Variants in ABCA7 observed in about 807,000 individuals in gnomAD.
ABCA7 encodes phospholipid-transporting ATPase ABCA7.
Under a neutral mutation model 227.6 loss-of-function variants are expected in ABCA7, and 261 were observed. The ratio of observed to expected loss-of-function variants is 1.15; its 90% CI spans 1.04 to 1.27. The LOEUF is 1.27. Among genes scored for constraint, ABCA7 ranks in the 50% most tolerant of loss-of-function variants. The probability of loss-of-function intolerance (pLI) is 0.00; values close to 1 mark genes in which losing one functional copy is unlikely to be tolerated. For synonymous variants in ABCA7, 1,488 were observed against 1,279.7 expected (o/e 1.16, Z -3.47); for missense variants, 3,331 against 2,924.5 (o/e 1.14, Z -3.21).
At position 1,055,134 on chromosome 19, in the gene ABCA7, G is replaced by T. The variant is rs1479129186; in HGVS notation, c.3988G>T (p.Val1330Phe). ...APEVPAEVAK[V>F]LASGNWTPES... The stretch of plus-strand genomic sequence containing the variant: ...AGAAGTTCCTGCTGAAGTGGCCAAG[G>T]TCTTGGCCAGTGGCAACTGGACCCC... The change falls in exon 30 of 47, where the codon GTC becomes TTC. Residue 1330 changes from valine to phenylalanine, a missense_variant. Val to Phe is a conservative substitution (Grantham distance 50). Coordinates refer to ENST00000263094, the MANE Select transcript of ABCA7 (RefSeq NM_019112.4). 2 of 1,612,898 alleles carry T rather than the reference G, an allele frequency of 1.2e-6. No homozygotes were observed. The highest frequency in any genetic ancestry group is 2.7e-5 in the African/African-American group (2 of 74,930).
In ABCA7 at chr19:1,051,542, C is replaced by T. The variant is rs368475234; in HGVS notation, c.2918C>T (p.Ala973Val). ...GAGCCTACGGCTGGCGTGGATCCTG[C>T]TTCCCGCCGCGGTATTTGGGAGCTG... is the stretch of plus-strand genomic sequence containing the variant. ...LDEPTAGVDPASRRGIWELLL... is the reference protein window; with the variant it reads ...LDEPTAGVDPVSRRGIWELLL... The change falls in exon 21 of 47, where the codon GCT (alanine) becomes GTT (valine). Residue 973 changes from alanine (A) to valine (V), a missense_variant. By Grantham distance (64) the Ala-to-Val change is moderately conservative. Transcript: ENST00000263094. The T allele has an allele frequency of 1.9e-6, 3 of 1,612,622 alleles. No individual in the cohort carries two copies. The highest frequency in any genetic ancestry group is 2.5e-6 in the Non-Finnish European group (3 of 1,179,898).
intron 18 of ABCA7, 42 bp from the exon 19 acceptor site, chr19:1,050,879 C>T (rs773455605): frequency 2.9e-5 from 43 of 1,471,244 alleles, no homozygotes; most frequent in Non-Finnish European, 3.8e-5. Context: ...ACTGCCAGTG[C>T]ACTCTGTGAA....
rs1360530779 is a variant in ABCA7, at chr19:1,043,129, C to T, written c.668C>T (p.Ala223Val). The change falls in exon 8 of 47, where the codon GCC becomes GTC. Residue 223 changes from alanine (A) to valine (V), a missense_variant. Ala to Val is a moderately conservative substitution (Grantham distance 64, BLOSUM62 0). Transcript: ENST00000263094. ...GGCCCCCTGGAGTTGCTGTCAGAGG[C>T]CCTCTGCAGTGTCAGGGGACCTAGC... ...TSGPLELLSEALCSVRGPSST... is the reference protein window; with the variant it reads ...TSGPLELLSEVLCSVRGPSST... 3 of 1,612,576 alleles carry T rather than the reference C, an allele frequency of 1.9e-6. No homozygotes were observed. Among genetic ancestry groups the T allele is most frequent in the Non-Finnish European group, 2.5e-6 (3 of 1,179,644 alleles).
Position 1,054,455 on chromosome 19 carries a change from G to A in ABCA7, c.3726+114G>A, listed in dbSNP as rs76677074. ...CCCCCGTGTGTATTCCCAACCCAAA[G>A]CACATTTATTGAGGGCACTGGGGAG... On this transcript the variant is annotated intron_variant, in intron 27 of 46. Transcript: ENST00000263094. This position sits in a 1 kb window ranked among gnomAD's most constrained non-coding sequence, Gnocchi z 4.8. The A allele has an allele frequency of 5.3e-3, 8,294 of 1,556,202 alleles. 245 individuals carry two copies. The South Asian group carries it at 0.054, about 10-fold the overall frequency.
At position 1,043,438 on chromosome 19, in the gene ABCA7, C is replaced by G. The variant is rs2040259005; in HGVS notation, c.895C>G (p.Pro299Ala). ...PLILGKLLFA[P>A]DTPFTRKLMA... is the part of the protein sequence containing the mutation. ...GATCCTCGGGAAGCTACTCTTTGCA[C>G]CAGATACACCTTTTACCCGGAAGCT... The change falls in exon 9 of 47, where the codon CCA (proline) becomes GCA (alanine). Residue 299 changes from proline (P) to alanine (A), a missense_variant. Coordinates refer to ENST00000263094, the MANE Select transcript of ABCA7 (RefSeq NM_019112.4). The G allele has an allele frequency of 6.2e-7, 1 of 1,613,418 alleles. No homozygotes were observed. The highest frequency in any genetic ancestry group is 8.5e-7 in the Non-Finnish European group (1 of 1,180,024).
chr19:1,046,587 G>A (rs1467738787), intron 13 of ABCA7, among the ~76,000 whole-genome samples, 181 bp downstream of exon 13: 1 of 152,102 alleles, frequency 6.6e-6, no homozygotes, highest in African/African-American at 2.4e-5. Context: ...TGGTGGGGGG[G>A]GGGACTCTGA....
At position 1,056,800 on chromosome 19, in the gene ABCA7, C is replaced by A; in HGVS notation, c.4587-107C>A. On this transcript the variant is annotated intron_variant, in intron 33 of 46. Transcript: ENST00000263094. This position sits in a 1 kb window ranked among gnomAD's most constrained non-coding sequence, Gnocchi z 4.3. The stretch of plus-strand genomic sequence containing the variant: ...TAAATTGCCCCTGCCATCTCTGCCA[C>A]TGCTGACTGCCCCATAGACCTTTGT... The A allele has an allele frequency of 7.7e-7, 1 of 1,302,060 alleles. No individual in the cohort carries two copies. The highest frequency in any genetic ancestry group is 1.1e-6 in the Non-Finnish European group (1 of 930,630). 80.7% of individuals were successfully genotyped at this position (1,302,060 alleles called of 1,614,324 possible). A position where few individuals can be genotyped will look rare whatever the true frequency, so the allele number is the denominator to read the frequency against.
Position 1,056,133 on chromosome 19 carries a change from G to A in ABCA7, c.4306G>A (p.Val1436Met), listed in dbSNP as rs773978728. The change falls in exon 32 of 47, where the codon GTG becomes ATG. Residue 1436 changes from valine (V) to methionine (M), a missense_variant. By Grantham distance (21) the Val-to-Met change is conservative. Transcript: ENST00000263094. The surrounding 1 kb of genome is among the most constrained non-coding windows in gnomAD (Gnocchi z 4.3). ...LPSGQELGRS[V>M]EELWALLSPL... Reference sequence around the variant, plus strand: ...CTCGGGCCAAGAGTTGGGCCGCTCAGTGGAGGAGTTGTGGGCGCTGCTGAG... The same window carrying A: ...CTCGGGCCAAGAGTTGGGCCGCTCAATGGAGGAGTTGTGGGCGCTGCTGAG... 2.5e-6 allele frequency: 4 copies of A among 1,609,866 alleles called. No homozygotes were observed. In the South Asian group the frequency reaches 4.4e-5, roughly 18 times the overall value.
chr19:1,049,218 C>A (rs746354443), intron 17 of ABCA7, 48 bp from the exon 18 acceptor site: 1 of 1,548,516 alleles, frequency 6.5e-7, no homozygotes, highest in Non-Finnish European at 8.8e-7. Flanking sequence ...ACTTGCAGGC[C>A]CCAGGACCCC....
At chr19:1,045,766 T>C (rs28659974) in intron 12 of ABCA7, 84,897 of 162,820 alleles carry the variant, frequency 0.52, 24,050 homozygotes, top group African/African-American at 0.76. Flanking sequence ...TTTGGGAGGC[T>C]GAGGCGGGCG....
chr19:1,053,242 C>G, intron 23 of ABCA7, 87 bp from the exon 24 acceptor site: 1 of 1,383,196 alleles, frequency 7.2e-7, no homozygotes, highest in Non-Finnish European at 9.9e-7. Context: ...GGGACAGTCC[C>G]CTCACAGGTC....
At position 1,046,993 on chromosome 19, in the gene ABCA7, T is replaced by A. The variant is rs1186052816; in HGVS notation, c.1814T>A (p.Leu605His). The A allele has an allele frequency of 1.9e-6, 3 of 1,577,674 alleles. No individual in the cohort carries two copies. Among genetic ancestry groups the A allele is most frequent in the Non-Finnish European group, 2.6e-6 (3 of 1,165,062 alleles). Residue 605 changes from leucine (L) to histidine (H), a missense_variant, in exon 14 of 47, where the codon CTC becomes CAC. Coordinates refer to ENST00000263094, the MANE Select transcript of ABCA7 (RefSeq NM_019112.4). Reference protein sequence around the residue: ...WFLSCLGPFLLSAALLVLVLK... With the variant: ...WFLSCLGPFLHSAALLVLVLK... ...CTCAGCTGCCTCGGGCCCTTCCTGC[T>A]CAGCGCCGCACTGCTGGTTCTGGTG...
Position 1,056,092 on chromosome 19 carries a change from G to GTA in ABCA7, c.4265_4266insTA (p.Asp1423LysfsTer22), listed in dbSNP as rs1568378546. 1 of 1,600,276 alleles carries GTA rather than the reference G, an allele frequency of 6.2e-7. No homozygotes were observed. Among genetic ancestry groups the GTA allele is most frequent in the South Asian group, 1.1e-5 (1 of 90,012 alleles). On this transcript the variant is annotated frameshift_variant, in exon 32 of 47. Transcript: ENST00000263094. LOFTEE classifies it high-confidence loss of function. This position sits in a 1 kb window ranked among gnomAD's most constrained non-coding sequence, Gnocchi z 4.3. ...TACGGAGGCTTCTCGCTGGGGGGCCGAGACCCAGGCCTGCCCTCGGGCCAA... is the reference window on the plus strand; with the variant it reads ...TACGGAGGCTTCTCGCTGGGGGGCCGTAAGACCCAGGCCTGCCCTCGGGCCAA...
Position 1,054,384 on chromosome 19 carries a change from G to C in ABCA7, c.3726+43G>C. 1 of 1,566,994 alleles carries C rather than the reference G, an allele frequency of 6.4e-7. No individual in the cohort carries two copies. The highest frequency in any genetic ancestry group is 8.6e-7 in the Non-Finnish European group (1 of 1,160,058). ...CAGGGAGTCGCATGGGAGTCCCTGA[G>C]TTCCCTACCCTGGCCGTCCACTCAG... is the stretch of plus-strand genomic sequence containing the variant. On this transcript the variant is annotated intron_variant, in intron 27 of 46. Transcript: ENST00000263094. The surrounding 1 kb of genome is among the most constrained non-coding windows in gnomAD (Gnocchi z 4.8).
Position 1,056,543 on chromosome 19 carries a change from C to T in ABCA7, c.4586+44C>T, listed in dbSNP as rs925959351. On this transcript the variant is annotated intron_variant, in intron 33 of 46. Coordinates refer to ENST00000263094, the MANE Select transcript of ABCA7 (RefSeq NM_019112.4). This position sits in a 1 kb window ranked among gnomAD's most constrained non-coding sequence, Gnocchi z 4.3. ...CATGTCCTACCCTGCACGTCCTACC[C>T]TGCCTCCATTTCTCTGTCGTTTGGG... 1 of 1,566,038 alleles carries T rather than the reference C, an allele frequency of 6.4e-7. No homozygotes were observed. Among genetic ancestry groups the T allele is most frequent in the Non-Finnish European group, 8.7e-7 (1 of 1,152,946 alleles).
rs757630834 is a variant in ABCA7, at chr19:1,052,030, C to T, written c.3051C>T (p.Cys1017=). ...CCGTGGTGGCAGGTGGCCGCTTGTG[C>T]TGCTGTGGCTCCCCACTCTTCCTGC... ...RVAVVAGGRL[C]CCGSPLFLRR... Residue 1017 remains cysteine (C), a synonymous_variant, in exon 22 of 47, where the codon TGC becomes TGT. Transcript: ENST00000263094. 2.5e-6 allele frequency: 4 copies of T among 1,612,256 alleles called. No individual in the cohort carries two copies. Among genetic ancestry groups the T allele is most frequent in the Non-Finnish European group, 2.5e-6 (3 of 1,179,920 alleles).
At chr19:1,045,420 T>C in intron 12 of ABCA7, 189 bp downstream of exon 12, 2 of 631,108 alleles carry the variant, frequency 3.2e-6, no homozygotes, top group Non-Finnish European at 5.5e-6. Context: ...GGGGCCTAGG[T>C]GCATGAGGGG....
chr19:1,056,602 C>A lies in ABCA7; in HGVS notation c.4586+103C>A. Reference sequence around the variant, plus strand: ...AGCTGGATTTGAACCCTGACACACTCTTGCTTTATAAATGGGGGATAGAAA... The same window carrying A: ...AGCTGGATTTGAACCCTGACACACTATTGCTTTATAAATGGGGGATAGAAA... On this transcript the variant is annotated intron_variant, in intron 33 of 46. Coordinates refer to ENST00000263094, the MANE Select transcript of ABCA7 (RefSeq NM_019112.4). This position sits in a 1 kb window ranked among gnomAD's most constrained non-coding sequence, Gnocchi z 4.3. 1 of 1,376,518 alleles carries A rather than the reference C, an allele frequency of 7.3e-7. No individual in the cohort carries two copies. The highest frequency in any genetic ancestry group is 9.8e-7 in the Non-Finnish European group (1 of 1,017,058). The allele number at this position is 1,376,518 out of a possible 1,614,324, so 85.3% of individuals were successfully genotyped here.
chr19:1,051,210 G>A lies in ABCA7; in HGVS notation c.2740G>A (p.Ala914Thr), dbSNP rs111940546. ...TGGGCGGCTGAAGGGTCTGAGTGCCGCTGTAGTGGGCCCCGAGCAGGACCG... is the reference window on the plus strand; with the variant it reads ...TGGGCGGCTGAAGGGTCTGAGTGCCACTGTAGTGGGCCCCGAGCAGGACCG... ...FYGRLKGLSA[A>T]VVGPEQDRLL... Residue 914 changes from alanine to threonine, a missense_variant, in exon 20 of 47, where the codon GCT (alanine) becomes ACT (threonine). Physicochemically the swap from Ala to Thr is moderately conservative, Grantham distance 58. Coordinates refer to ENST00000263094, the MANE Select transcript of ABCA7 (RefSeq NM_019112.4). The A allele has an allele frequency of 6.2e-6, 10 of 1,610,942 alleles. No individual in the cohort carries two copies. The highest frequency in any genetic ancestry group is 3.3e-5 in the Admixed American group (2 of 59,960).
Sources: gnomAD v4.1 joint callset for allele counts (sites outside exome capture counted in the v4.1 genomes callset) on GRCh38, gnomAD v4.1.1 for gene constraint, Gnocchi (gnomAD v3.1) non-coding constraint, MANE v1.5 for transcripts, NCBI Gene and HGNC (gene_info 2026-07-23, HGNC 2026-07-21) for gene names.